The following SLC25A13 variants were observed in gnomAD, a reference collection of about 807,000 sequenced individuals.
SLC25A13 encodes the protein solute carrier family 25 member 13, also known as electrogenic aspartate/glutamate antiporter SLC25A13, mitochondrial.
SLC25A13 carries 70 observed loss-of-function variants against 85.5 expected under a neutral mutation model. The ratio of observed to expected loss-of-function variants is 0.82; its 90% CI spans 0.68 to 1.00. The LOEUF (loss-of-function observed/expected upper bound fraction) is 1.00. Ranked by LOEUF, SLC25A13 falls within the 50% of genes least tolerant of loss-of-function variation. SLC25A13 has a pLI of 0.00. For synonymous variants in SLC25A13, 259 were observed against 288.7 expected, an observed-to-expected ratio of 0.90 and a Z score of 1.04; for missense variants, 765 against 819.8, an observed-to-expected ratio of 0.93 and a Z score of 0.82.
At chr7:96,237,804 TG>T (rs1310054351) in intron 3 of SLC25A13, among the ~76,000 whole-genome samples, 1 of 151,792 alleles carries the variant, frequency 6.6e-6, no homozygotes, top group Non-Finnish European at 1.5e-5. Flanking sequence ...ATTTCCAACT[TG>T]GATAACTGAG....
At chr7:96,220,555 C>T (rs1293608662) in intron 4 of SLC25A13, among the ~76,000 whole-genome samples, 1 of 152,072 alleles carries the variant, frequency 6.6e-6, no homozygotes, top group Admixed American at 6.5e-5. Flanking sequence ...AGCAAATTTT[C>T]CAATTTAGAA....
intron 1 of SLC25A13, among the ~76,000 whole-genome samples, chr7:96,300,081 CT>C (rs1562916446): frequency 6.6e-6 from 1 of 152,030 alleles, no homozygotes; most frequent in Non-Finnish European, 1.5e-5. Flanking sequence ...CCAATTTCTC[CT>C]AACAGTGTGT....
intron 11 of SLC25A13, among the ~76,000 whole-genome samples, chr7:96,174,404 C>T (rs1794134732): frequency 6.6e-6 from 1 of 152,236 alleles, no homozygotes; most frequent in South Asian, 2.1e-4. Flanking sequence ...GACACTCACT[C>T]ACTGATCTTT....
chr7:96,122,246 AT>A (rs1237539791), intron 15 of SLC25A13, among the ~76,000 whole-genome samples: 1 of 152,096 alleles, frequency 6.6e-6, no homozygotes, highest in East Asian at 1.9e-4. Context: ...CTTTGTTTCT[AT>A]TCCTAAATCT....
chr7:96,267,471 CA>C (rs1798076697), intron 3 of SLC25A13, among the ~76,000 whole-genome samples: 1 of 152,016 alleles, frequency 6.6e-6, no homozygotes, highest in African/African-American at 2.4e-5. Context: ...CTTCATGCAT[CA>C]AAACAGGAAC....
At chr7:96,223,681 G>A (rs1194127736) in intron 4 of SLC25A13, among the ~76,000 whole-genome samples, 4 of 151,972 alleles carry the variant, frequency 2.6e-5, no homozygotes, top group South Asian at 2.1e-4. Context: ...CCGGCTACCC[G>A]GGAGGCTGAG....
At chr7:96,163,055 A>G (rs1793576851) in intron 13 of SLC25A13, among the ~76,000 whole-genome samples, 4 of 152,188 alleles carry the variant, frequency 2.6e-5, no homozygotes. Flanking sequence ...CCCAGCCCAC[A>G]ACACAGCTTA....
intron 14 of SLC25A13, among the ~76,000 whole-genome samples, chr7:96,133,816 G>A (rs1792143071): frequency 6.6e-6 from 1 of 151,802 alleles, no homozygotes; most frequent in East Asian, 2.0e-4. Flanking sequence ...CAGCTACTCG[G>A]GAGACTGAGG....
At chr7:96,291,135 C>T (rs1468710164) in intron 2 of SLC25A13, among the ~76,000 whole-genome samples, 1 of 152,170 alleles carries the variant, frequency 6.6e-6, no homozygotes, top group East Asian at 1.9e-4. Flanking sequence ...TCACTCAAAA[C>T]CACTCAACTA....
At chr7:96,219,821 T>A (rs1796041264) in intron 4 of SLC25A13, 6 of 491,780 alleles carry the variant, frequency 1.2e-5, no homozygotes, top group South Asian at 7.7e-5. Context: ...ATTTAAGTCA[T>A]CATAGTGACT....
chr7:96,203,222 A>T (rs1366540251), intron 5 of SLC25A13, among the ~76,000 whole-genome samples: 3 of 152,180 alleles, frequency 2.0e-5, no homozygotes, highest in Admixed American at 2.0e-4. Flanking sequence ...AGTTTGCCAA[A>T]ATGTGGTTCC....
At chr7:96,160,138 C>A (rs1261515226) in intron 13 of SLC25A13, among the ~76,000 whole-genome samples, 1 of 152,188 alleles carries the variant, frequency 6.6e-6, no homozygotes. Flanking sequence ...AAAGCTATGG[C>A]CCAGTCTTTC....
chr7:96,229,438 G>C (rs1020656554), intron 4 of SLC25A13, among the ~76,000 whole-genome samples: 3 of 152,114 alleles, frequency 2.0e-5, no homozygotes, highest in Non-Finnish European at 4.4e-5. Flanking sequence ...GCAGGATGTG[G>C]GTGGGGCAGA....
intron 4 of SLC25A13, among the ~76,000 whole-genome samples, chr7:96,227,128 G>A (rs1796353656): frequency 6.6e-6 from 1 of 152,056 alleles, no homozygotes; most frequent in Admixed American, 6.6e-5. Flanking sequence ...TCCTTCTGAG[G>A]TACTTAGCAC....
intron 3 of SLC25A13, among the ~76,000 whole-genome samples, chr7:96,250,055 C>T (rs1049398277): frequency 2.0e-4 from 31 of 152,012 alleles, no homozygotes; most frequent in African/African-American, 5.8e-4. Flanking sequence ...TGGTGACACA[C>T]GCCTGTGATC....
At position 96,121,856 on chromosome 7, in the gene SLC25A13, A is replaced by G. The variant is rs1791523186; in HGVS notation, c.1733T>C (p.Leu578Pro). 2.5e-6 allele frequency: 4 copies of G among 1,614,110 alleles called. No individual in the cohort carries two copies. The highest frequency in any genetic ancestry group is 2.2e-5 in the South Asian group (2 of 91,090). ...KILREEGPKA[L>P]WKGAGARVFR... ...TTCCATACCACCAGCTCCCTTCCACAGAGCTTTTGGTCCTTCTTCACGCAG... is the reference window on the plus strand; with the variant it reads ...TTCCATACCACCAGCTCCCTTCCACGGAGCTTTTGGTCCTTCTTCACGCAG... The change falls in exon 16 of 18, where the codon CTG (leucine) becomes CCG (proline). Residue 578 changes from leucine to proline, a missense_variant. Coordinates refer to ENST00000265631, the MANE Select transcript of SLC25A13 (RefSeq NM_014251.3).
intron 15 of SLC25A13, among the ~76,000 whole-genome samples, chr7:96,128,739 C>T (rs947232665): frequency 6.9e-6 from 1 of 143,906 alleles, no homozygotes; most frequent in Non-Finnish European, 1.5e-5. Flanking sequence ...CACATGTATC[C>T]CAGAACTTAA....
At chr7:96,153,304 C>T (rs1793121314) in intron 13 of SLC25A13, among the ~76,000 whole-genome samples, 1 of 152,302 alleles carries the variant, frequency 6.6e-6, no homozygotes, top group East Asian at 1.9e-4. Context: ...ACATCAGCAA[C>T]AAAAGACCCC....
intron 4 of SLC25A13, among the ~76,000 whole-genome samples, chr7:96,210,629 G>A (rs1453293297): frequency 6.6e-6 from 1 of 152,120 alleles, no homozygotes; most frequent in East Asian, 1.9e-4. Context: ...GAGATAATCT[G>A]TGACTCCTTT....
Sources: allele counts gnomAD v4.1 joint callset (sites outside exome capture counted in the v4.1 genomes callset), GRCh38; gene constraint gnomAD v4.1.1; transcripts MANE v1.5; gene names NCBI Gene and HGNC (gene_info 2026-07-23, HGNC 2026-07-21).